Variants in CLYBL observed in about 807,000 individuals in gnomAD.
The protein encoded by CLYBL is citramalyl-CoA lyase, mitochondrial.
Under a neutral mutation model 38.9 loss-of-function variants are expected in CLYBL, and 31 were observed. The observed-to-expected ratio is 0.80, with a 90% CI of 0.60 to 1.08. The LOEUF is 1.08. CLYBL is among the 50% of genes least tolerant of loss of function. The pLI is 0.00. For missense variants in CLYBL, 434 were observed against 411.6 expected (o/e 1.05, Z -0.47); for synonymous variants, 171 against 158.6 (o/e 1.08, Z -0.59).
intron 2 of CLYBL, among the ~76,000 whole-genome samples, chr13:99,833,336 C>T (rs540917753): frequency 8.6e-5 from 13 of 151,700 alleles, no homozygotes; most frequent in South Asian, 4.2e-4. Flanking sequence ...CCACTGTGCC[C>T]GGCCAGTAGT....
At position 99,701,963 on chromosome 13, in the gene CLYBL, A is replaced by G. The variant is rs181438724; in HGVS notation, c.63-70861A>G. On this transcript the variant is annotated intron_variant, in intron 1 of 8. Transcript: ENST00000339105. ...CTGAGGTTACATACTTTATTAACAA[A>G]GGAGTGAAGTGATACCCCCTCTCCC... 2.9e-3 allele frequency among the ~76,000 whole-genome samples: 439 copies of G among 152,266 alleles called. 4 individuals are homozygous for G. The highest frequency in any genetic ancestry group is 9.6e-3 in the African/African-American group (401 of 41,568).
chr13:99,797,560 T>TTGTGTGTGTGTG (rs3033584), intron 2 of CLYBL, among the ~76,000 whole-genome samples: 7,868 of 141,754 alleles, frequency 0.056, 240 homozygotes, highest in African/African-American at 0.071. Context: ...TGTTAGCTGT[T>TTGTGTGTGTGTG]TGTGTGTGTG....
intron 1 of CLYBL, among the ~76,000 whole-genome samples, chr13:99,713,912 T>G (rs2048273703): frequency 6.6e-6 from 1 of 152,134 alleles, no homozygotes; most frequent in South Asian, 2.1e-4. Flanking sequence ...GGTCTCAAAC[T>G]CCTGGGCTCA....
rs145579057 is a variant in CLYBL, at chr13:99,866,736, C to T, written c.802+329C>T. 2.6e-3 allele frequency among the ~76,000 whole-genome samples: 393 copies of T among 151,680 alleles called. 3 individuals carry two copies. Among genetic ancestry groups the T allele is most frequent in the African/African-American group, 8.8e-3 (363 of 41,304 alleles). ...GCTCAAAAAGTGTTTTTGAGTGAAC[C>T]GCCATAAGAATTTTGGTTGATGGAC... On this transcript the variant is annotated intron_variant, in intron 6 of 8. Coordinates refer to ENST00000339105, the MANE Select transcript of CLYBL (RefSeq NM_206808.5).
chr13:99,686,984 A>G (rs1284364277), intron 1 of CLYBL, among the ~76,000 whole-genome samples: 1 of 152,196 alleles, frequency 6.6e-6, no homozygotes, highest in Non-Finnish European at 1.5e-5. Context: ...TTATAACTGT[A>G]ACTTCTTAAC....
chr13:99,888,227 C>G (rs1205020512), intron 7 of CLYBL, among the ~76,000 whole-genome samples: 1 of 151,900 alleles, frequency 6.6e-6, no homozygotes, highest in Non-Finnish European at 1.5e-5. Context: ...GTTAACACTA[C>G]TGAACTGCAC....
intron 2 of CLYBL, among the ~76,000 whole-genome samples, chr13:99,781,170 T>A (rs61974585): frequency 6.7e-6 from 1 of 149,732 alleles, no homozygotes; most frequent in Non-Finnish European, 1.5e-5. Context: ...TTATTTTTAT[T>A]TATTTATTTA....
intron 1 of CLYBL, among the ~76,000 whole-genome samples, chr13:99,750,305 T>C (rs2048931159): frequency 6.6e-6 from 1 of 152,224 alleles, no homozygotes; most frequent in Non-Finnish European, 1.5e-5. Context: ...GAAATTTTTA[T>C]TTTCAACCTT....
At chr13:99,895,912 TTTA>T (rs1309694514), downstream of CLYBL, 1 of 152,116 alleles carries the variant, frequency 6.6e-6, no homozygotes, top group East Asian at 1.9e-4. Context: ...TTAAATGATT[TTTA>T]TTTTTTTCCA....
chr13:99,639,691 G>C lies in CLYBL; in HGVS notation c.62+32934G>C, dbSNP rs534608853. On this transcript the variant is annotated intron_variant, in intron 1 of 8. Transcript: ENST00000339105. ...GAGGATTGCTTGAGGCCAGGAGTTT[G>C]AAACCAGCCTGGCCAACGCAGCGAG... Among the ~76,000 whole-genome samples the C allele has an allele frequency of 3.9e-5, 6 of 152,272 alleles. No homozygotes were observed. The South Asian group carries it at 8.3e-4, about 21-fold the overall frequency.
chr13:99,633,663 T>C (rs2046980759), intron 1 of CLYBL, among the ~76,000 whole-genome samples: 1 of 152,126 alleles, frequency 6.6e-6, no homozygotes, highest in South Asian at 2.1e-4. Context: ...GATGAAAGTG[T>C]TCTTGAGCTA....
At chr13:99,755,088 A>G (rs7983978) in intron 1 of CLYBL, among the ~76,000 whole-genome samples, 105,728 of 151,382 alleles carry the variant, frequency 0.7, 36,924 homozygotes, top group East Asian at 0.75. Flanking sequence ...TAGTAGAGAC[A>G]GGGTTTCACC....
intron 7 of CLYBL, among the ~76,000 whole-genome samples, chr13:99,885,972 A>G (rs898825719): frequency 3.3e-5 from 5 of 152,172 alleles, no homozygotes; most frequent in Admixed American, 1.3e-4. Context: ...CACGGCCAAC[A>G]CTGGCTGGAA....
intron 2 of CLYBL, among the ~76,000 whole-genome samples, chr13:99,829,741 G>A (rs537924167): frequency 1.3e-5 from 2 of 152,304 alleles, no homozygotes; most frequent in South Asian, 2.1e-4. Context: ...AGGATCAGGA[G>A]CTGAACAAGC....
chr13:99,812,511 C>A (rs1407064622), intron 2 of CLYBL, among the ~76,000 whole-genome samples: 1 of 152,158 alleles, frequency 6.6e-6, no homozygotes, highest in Non-Finnish European at 1.5e-5. Context: ...TGGCCTTGGG[C>A]AGGACTTTTC....
At chr13:99,769,956 G>T (rs578135185) in intron 1 of CLYBL, among the ~76,000 whole-genome samples, 1 of 152,194 alleles carries the variant, frequency 6.6e-6, no homozygotes, top group South Asian at 2.1e-4. Flanking sequence ...GTTAACTACT[G>T]ATGTCCAGGG....
chr13:99,815,408 T>A (rs1392232768), intron 2 of CLYBL, among the ~76,000 whole-genome samples: 2 of 151,916 alleles, frequency 1.3e-5, no homozygotes, highest in East Asian at 1.9e-4. Flanking sequence ...AAGAAAAAAA[T>A]TAGCCAGATG....
intron 2 of CLYBL, among the ~76,000 whole-genome samples, chr13:99,839,128 T>C (rs917580394): frequency 6.6e-6 from 1 of 152,238 alleles, no homozygotes; most frequent in Non-Finnish European, 1.5e-5. Flanking sequence ...CAGCCAGGAA[T>C]TAATGCACTT....
At chr13:99,759,937 T>A (rs2049134858) in intron 1 of CLYBL, among the ~76,000 whole-genome samples, 1 of 152,230 alleles carries the variant, frequency 6.6e-6, no homozygotes. Context: ...GTTTGAGACC[T>A]TTTAAATGCT....
Sources: allele counts gnomAD v4.1 joint callset (sites outside exome capture counted in the v4.1 genomes callset), GRCh38; gene constraint gnomAD v4.1.1; transcripts MANE v1.5; gene names NCBI Gene and HGNC (gene_info 2026-07-23, HGNC 2026-07-21).